Variants in INTU observed in about 807,000 individuals in gnomAD.
INTU encodes inturned planar cell polarity protein.
A neutral mutation model predicts 100.5 loss-of-function variants in INTU; 68 were observed. That is an observed-to-expected ratio of 0.68 (90% confidence interval 0.56 to 0.83). The LOEUF (loss-of-function observed/expected upper bound fraction) is 0.83, where lower values mean the gene tolerates loss of function less well. INTU is among the 40% of genes least tolerant of loss of function. The pLI, the probability that INTU is intolerant of heterozygous loss-of-function variation, is 0.00. For synonymous variants in INTU, 357 were observed against 395.7 expected (o/e 0.90, Z 1.16); for missense variants, 1,071 against 1,114.7 (o/e 0.96, Z 0.56).
rs115069735 is a variant in INTU, at chr4:127,688,892, T to C, written c.1449+1025T>C. On this transcript the variant is annotated intron_variant, in intron 8 of 15. Coordinates refer to ENST00000335251, the MANE Select transcript of INTU (RefSeq NM_015693.4). ...CTGGTATTTTTTTTGTCCTTAGCTC[T>C]ATCAACTGCCTGGTCTTTTGATATT... is the stretch of plus-strand genomic sequence containing the variant. 9.0e-3 allele frequency among the ~76,000 whole-genome samples: 1,367 copies of C among 152,218 alleles called. 21 individuals carry two copies. Among genetic ancestry groups the C allele is most frequent in the African/African-American group, 0.032 (1,309 of 41,550 alleles).
At chr4:127,663,649 C>T in intron 4 of INTU, 65 bp downstream of exon 4, 1 of 1,273,084 alleles carries the variant, frequency 7.9e-7, no homozygotes, top group South Asian at 1.3e-5. Context: ...AAAGTAAGGA[C>T]CTTTTATCGT....
chr4:127,655,171 T>G (rs1161047504), intron 2 of INTU, among the ~76,000 whole-genome samples: 1 of 152,000 alleles, frequency 6.6e-6, no homozygotes, highest in East Asian at 1.9e-4. Context: ...GGTTTGAATG[T>G]CCTCTCGTAG....
At chr4:127,678,711 A>G (rs1729361340) in intron 6 of INTU, among the ~76,000 whole-genome samples, 1 of 152,200 alleles carries the variant, frequency 6.6e-6, no homozygotes, top group African/African-American at 2.4e-5. Context: ...CAAAATAACC[A>G]GCTAACATCA....
intron 8 of INTU, among the ~76,000 whole-genome samples, chr4:127,692,003 C>T (rs1015570817): frequency 2.3e-5 from 2 of 88,804 alleles, no homozygotes; most frequent in Non-Finnish European, 4.9e-5. Context: ...TTTATCCACT[C>T]GTTGATTAAT....
chr4:127,695,477 C>A (rs1273873687), intron 8 of INTU, among the ~76,000 whole-genome samples: 1 of 152,046 alleles, frequency 6.6e-6, no homozygotes, highest in Non-Finnish European at 1.5e-5. Flanking sequence ...TGTGGTGGCA[C>A]ATGTCTATAG....
At chr4:127,659,736 T>G (rs1290229841) in intron 3 of INTU, among the ~76,000 whole-genome samples, 1 of 152,182 alleles carries the variant, frequency 6.6e-6, no homozygotes, top group Non-Finnish European at 1.5e-5. Flanking sequence ...ATAGCTGGCT[T>G]TTTTAGAGCT....
chr4:127,693,058 G>A (rs1440034121), intron 8 of INTU, among the ~76,000 whole-genome samples: 2 of 151,964 alleles, frequency 1.3e-5, no homozygotes, highest in Admixed American at 1.3e-4. Context: ...TTGGCTATGA[G>A]GGCTCTTTTT....
At chr4:127,671,933 T>C (rs1294608350) in intron 5 of INTU, among the ~76,000 whole-genome samples, 3 of 152,106 alleles carry the variant, frequency 2.0e-5, no homozygotes, top group Non-Finnish European at 2.9e-5. Context: ...TTCTCACTTA[T>C]AAATGGGGGC....
At chr4:127,648,097 C>T (rs1727670819) in intron 2 of INTU, among the ~76,000 whole-genome samples, 1 of 152,104 alleles carries the variant, frequency 6.6e-6, no homozygotes, top group African/African-American at 2.4e-5. Flanking sequence ...AAAATTTTCT[C>T]ATATTTCTAC....
At chr4:127,676,238 T>A (rs1215747430) in intron 6 of INTU, among the ~76,000 whole-genome samples, 2 of 151,890 alleles carry the variant, frequency 1.3e-5, no homozygotes, top group African/African-American at 4.8e-5. Flanking sequence ...ACTGAACCCT[T>A]CTCAGAGACT....
chr4:127,690,649 T>C (rs888463696), intron 8 of INTU, among the ~76,000 whole-genome samples: 1 of 152,230 alleles, frequency 6.6e-6, no homozygotes, highest in African/African-American at 2.4e-5. Flanking sequence ...AATATAAAAT[T>C]TGAACAACAA....
chr4:127,710,436 G>A (rs1004888185), intron 13 of INTU, among the ~76,000 whole-genome samples: 35 of 152,186 alleles, frequency 2.3e-4, no homozygotes, highest in African/African-American at 6.3e-4. Context: ...AGGAACATCA[G>A]TTTGACTATC....
chr4:127,662,005 CATTTT>C (rs1728499110), intron 3 of INTU, among the ~76,000 whole-genome samples: 2 of 152,036 alleles, frequency 1.3e-5, no homozygotes. Context: ...GTAGGTACCT[CATTTT>C]ATTTTAACTT....
intron 7 of INTU, 90 bp from the exon 8 acceptor site, chr4:127,687,588 A>G (rs1188177296): frequency 2.2e-6 from 2 of 911,178 alleles, no homozygotes; most frequent in Middle Eastern, 2.3e-4. Flanking sequence ...TAGCCTATGT[A>G]GTTGGGAAAG....
intron 1 of INTU, among the ~76,000 whole-genome samples, chr4:127,636,937 T>C (rs1727100070): frequency 6.6e-6 from 1 of 152,238 alleles, no homozygotes; most frequent in African/African-American, 2.4e-5. Flanking sequence ...TAACTAGGTT[T>C]ATGATGAAAA....
At position 127,705,772 on chromosome 4, in the gene INTU, C is replaced by T. The variant is rs1285121125; in HGVS notation, c.1748C>T (p.Pro583Leu). 6.2e-6 allele frequency: 10 copies of T among 1,613,908 alleles called. No individual in the cohort carries two copies. Among genetic ancestry groups the T allele is most frequent in the Admixed American group, 1.7e-5 (1 of 59,988 alleles). The part of the protein sequence containing the change: ...PLADSSTEVF[P>L]EPEGRYFLLV... ...GCAGACTCAAGCACTGAAGTCTTTCCGGAACCTGAAGGAAGATATTTTTTG... is the reference window on the plus strand; with the variant it reads ...GCAGACTCAAGCACTGAAGTCTTTCTGGAACCTGAAGGAAGATATTTTTTG... Residue 583 changes from proline to leucine, a missense_variant, in exon 11 of 16, where the codon CCG (proline) becomes CTG (leucine). Pro to Leu is a moderately conservative substitution (Grantham distance 98, BLOSUM62 -3). Transcript: ENST00000335251.
chr4:127,685,338 T>C (rs1006873202), intron 7 of INTU: 1 of 394,626 alleles, frequency 2.5e-6, no homozygotes, highest in Non-Finnish European at 5.1e-6. Context: ...CTTAGGAGTA[T>C]ATCAGTACAA....
chr4:127,719,748 A>G lies in INTU; in HGVS notation c.*3312A>G, dbSNP rs1350744128. 6.6e-6 allele frequency: 1 copy of G among 152,096 alleles called. No individual in the cohort carries two copies. The highest frequency in any genetic ancestry group is 2.4e-5 in the African/African-American group (1 of 41,418). The allele number at this position is 152,096 out of a possible 1,614,324, so 9.4% of individuals were successfully genotyped here. A position where few individuals can be genotyped will look rare whatever the true frequency, so the allele number is the denominator to read the frequency against. Reference sequence around the variant, plus strand: ...GTCCAGGAATTTATCCATTTCTTCTAGATTTTCGAGTTTATTTGCACCGAG... The same window carrying G: ...GTCCAGGAATTTATCCATTTCTTCTGGATTTTCGAGTTTATTTGCACCGAG... On this transcript the variant is annotated 3_prime_UTR_variant, in exon 16 of 16. Transcript: ENST00000335251.
intron 2 of INTU, among the ~76,000 whole-genome samples, chr4:127,654,509 T>G (rs1242606850): frequency 6.6e-6 from 1 of 152,340 alleles, no homozygotes; most frequent in Admixed American, 6.5e-5. Flanking sequence ...TATGAAATTC[T>G]GGGTTGAAAA....
Sources: allele counts gnomAD v4.1 joint callset (sites outside exome capture counted in the v4.1 genomes callset), GRCh38; gene constraint gnomAD v4.1.1; transcripts MANE v1.5; gene names NCBI Gene and HGNC (gene_info 2026-07-23, HGNC 2026-07-21).